Variants in ST3GAL3 observed in about 807,000 individuals in gnomAD.
ST3GAL3 encodes the protein ST3 beta-galactoside alpha-2,3-sialyltransferase 3.
Under a neutral mutation model 50.1 loss-of-function variants are expected in ST3GAL3, and 21 were observed. The observed-to-expected ratio is 0.42, with a 90% CI of 0.30 to 0.60. ST3GAL3 has a LOEUF of 0.60. Among genes scored for constraint, ST3GAL3 ranks in the 20% least tolerant of loss-of-function variants. The pLI is 0.19. For missense variants in ST3GAL3, 353 were observed against 489.4 expected (o/e 0.72, Z 2.63); for synonymous variants, 183 against 190.0 (o/e 0.96, Z 0.30).
intron 2 of ST3GAL3, among the ~76,000 whole-genome samples, chr1:43,790,344 A>C (rs568709548): frequency 6.6e-6 from 1 of 152,308 alleles, no homozygotes; most frequent in African/African-American, 2.4e-5. Context: ...GAAAATGCCC[A>C]TAATGTTTGG....
At chr1:43,920,629 G>C in intron 10 of ST3GAL3, 79 bp downstream of exon 10, 3 of 1,524,758 alleles carry the variant, frequency 2.0e-6, no homozygotes, top group Non-Finnish European at 2.7e-6. Flanking sequence ...GGTGGTGGGT[G>C]GGGCAGTGCT....
At chr1:43,741,137 G>A (rs1009196581) in intron 2 of ST3GAL3, among the ~76,000 whole-genome samples, 5 of 151,994 alleles carry the variant, frequency 3.3e-5, no homozygotes, top group Admixed American at 6.6e-5. Context: ...GACCAGCCTA[G>A]GCAACATAGG....
At chr1:43,848,803 A>G (rs925485576) in intron 5 of ST3GAL3, among the ~76,000 whole-genome samples, 1 of 152,164 alleles carries the variant, frequency 6.6e-6, no homozygotes, top group African/African-American at 2.4e-5. Flanking sequence ...TATTTGTCCC[A>G]CAGGTCACTG....
chr1:43,925,970 G>A (rs976751399), intron 11 of ST3GAL3, among the ~76,000 whole-genome samples: 2 of 152,184 alleles, frequency 1.3e-5, no homozygotes, highest in African/African-American at 2.4e-5. Context: ...CCAGATTGCA[G>A]TAGTGAACAG....
At chr1:43,773,006 C>T (rs536371522) in intron 2 of ST3GAL3, among the ~76,000 whole-genome samples, 39 of 152,314 alleles carry the variant, frequency 2.6e-4, no homozygotes, top group African/African-American at 9.1e-4. Flanking sequence ...CTTGGCCTCC[C>T]AAAGTGCTGG....
chr1:43,778,652 T>C (rs1207083657), intron 2 of ST3GAL3, among the ~76,000 whole-genome samples: 3 of 143,360 alleles, frequency 2.1e-5, no homozygotes, highest in Admixed American at 6.9e-5. Flanking sequence ...TTCTTTTTTT[T>C]TTTTTTTTTT....
intron 5 of ST3GAL3, among the ~76,000 whole-genome samples, chr1:43,868,752 C>T (rs1057376517): frequency 2.6e-5 from 4 of 152,246 alleles, no homozygotes; most frequent in Admixed American, 6.5e-5. Context: ...CTTTCTCCCA[C>T]GCCTTCTGTT....
In ST3GAL3 at chr1:43,920,406, T is replaced by A; in HGVS notation, c.747T>A (p.Ser249Arg). The A allele has an allele frequency of 6.2e-7, 1 of 1,614,052 alleles. No homozygotes were observed. Among genetic ancestry groups the A allele is most frequent in the Non-Finnish European group, 8.5e-7 (1 of 1,180,012 alleles). ...GCCCGCTTTTGCTGTGTCCACAGAG[T>A]GCATCGGATGGCTTCTGGAAATCTG... is the stretch of plus-strand genomic sequence containing the variant. The part of the protein sequence containing the change: ...LKYIVYKERV[S>R]ASDGFWKSVA... The change falls in exon 10 of 12, where the codon AGT becomes AGA. Residue 249 changes from serine to arginine, a missense_variant and splice_region_variant. Physicochemically the swap from Ser to Arg is moderately radical, Grantham distance 110 (BLOSUM62 -1). Transcript: ENST00000347631.
intron 4 of ST3GAL3, among the ~76,000 whole-genome samples, chr1:43,821,052 G>T (rs1573629377): frequency 6.6e-6 from 1 of 152,116 alleles, no homozygotes; most frequent in East Asian, 1.9e-4. Context: ...TCATTTAGCA[G>T]ATGTTTCTTG....
intron 1 of ST3GAL3, among the ~76,000 whole-genome samples, chr1:43,714,432 C>CA (rs35400929): frequency 0.019 from 1,382 of 73,686 alleles, 21 homozygotes; most frequent in African/African-American, 0.057. Context: ...TACTAAAATA[C>CA]AAAAAAAAAA....
At chr1:43,898,013 C>T (rs1192796259) in intron 6 of ST3GAL3, among the ~76,000 whole-genome samples, 3 of 152,164 alleles carry the variant, frequency 2.0e-5, no homozygotes, top group Non-Finnish European at 2.9e-5. Flanking sequence ...GTGTTAGGGA[C>T]GGGCTCCCGG....
intron 2 of ST3GAL3, among the ~76,000 whole-genome samples, chr1:43,774,585 C>T (rs896192176): frequency 6.6e-6 from 1 of 152,196 alleles, no homozygotes; most frequent in African/African-American, 2.4e-5. Flanking sequence ...TGACTCACCT[C>T]TGTGGAAGGT....
At chr1:43,817,421 TCC>T (rs1384372380) in intron 4 of ST3GAL3, among the ~76,000 whole-genome samples, 3 of 2,640 alleles carry the variant, frequency 1.1e-3, no homozygotes, top group African/African-American at 4.8e-3. Flanking sequence ...CTCCTCCTTC[TCC>T]TTCTTCTCCT....
At chr1:43,886,530 T>G (rs1168168778) in intron 5 of ST3GAL3, among the ~76,000 whole-genome samples, 1 of 152,198 alleles carries the variant, frequency 6.6e-6, no homozygotes, top group Non-Finnish European at 1.5e-5. Flanking sequence ...TTTTTAAAAG[T>G]AAGAATGCAT....
intron 9 of ST3GAL3, among the ~76,000 whole-genome samples, chr1:43,904,258 G>A (rs2078764240): frequency 6.6e-6 from 1 of 152,054 alleles, no homozygotes; most frequent in African/African-American, 2.4e-5. Context: ...GCCCAAATGG[G>A]GATTGAATGA....
chr1:43,734,589 C>T lies in ST3GAL3; in HGVS notation c.-30-1644C>T, dbSNP rs116345737. The stretch of plus-strand genomic sequence containing the variant: ...CCTACCAAAGTTCTGGGATTATAGG[C>T]GTGAGCCACTGTGCCCAGCCCACCT... On this transcript the variant is annotated intron_variant, in intron 1 of 11. Coordinates refer to ENST00000347631, the MANE Select transcript of ST3GAL3 (RefSeq NM_006279.5). Among the ~76,000 whole-genome samples the T allele has an allele frequency of 2.4e-3, 370 of 152,158 alleles. 1 individual carries two copies. The highest frequency in any genetic ancestry group is 8.4e-3 in the African/African-American group (348 of 41,532).
chr1:43,756,545 T>TAC (rs1443082164), intron 2 of ST3GAL3, among the ~76,000 whole-genome samples: 1 of 81,992 alleles, frequency 1.2e-5, no homozygotes, highest in African/African-American at 4.3e-5. Context: ...ATATGTATTG[T>TAC]ATACACACAC....
intron 4 of ST3GAL3, among the ~76,000 whole-genome samples, chr1:43,819,681 G>T (rs2061842167): frequency 6.6e-6 from 1 of 152,100 alleles, no homozygotes; most frequent in Non-Finnish European, 1.5e-5. Context: ...TGTTACATGG[G>T]TTTATGGTGT....
At chr1:43,857,966 A>G (rs2154222151) in intron 5 of ST3GAL3, among the ~76,000 whole-genome samples, 1 of 152,276 alleles carries the variant, frequency 6.6e-6, no homozygotes, top group East Asian at 1.9e-4. Context: ...TAAAATCATC[A>G]TTCTGTGACA....
Sources: gnomAD v4.1 joint callset for allele counts (sites outside exome capture counted in the v4.1 genomes callset) on GRCh38, gnomAD v4.1.1 for gene constraint, MANE v1.5 for transcripts, NCBI Gene and HGNC (gene_info 2026-07-23, HGNC 2026-07-21) for gene names.